HPCAL1: variants seen among roughly 807,000 people sequenced by gnomAD.
HPCAL1 encodes hippocalcin-like protein 1.
Under a neutral mutation model 17.1 loss-of-function variants are expected in HPCAL1, and 8 were observed. That is an observed-to-expected ratio of 0.47 (90% CI 0.27 to 0.84). The LOEUF is 0.84. Among genes scored for constraint, HPCAL1 ranks in the 40% least tolerant of loss-of-function variants. The pLI is 0.13. For synonymous variants in HPCAL1, 112 were observed against 111.4 expected, an observed-to-expected ratio of 1.01 and a Z score of -0.03; for missense variants, 165 against 271.1, an observed-to-expected ratio of 0.61 and a Z score of 2.75.
chr2:10,399,736 G>A (rs955959527), intron 2 of HPCAL1, among the ~76,000 whole-genome samples: 40 of 152,170 alleles, frequency 2.6e-4, no homozygotes, highest in African/African-American at 9.7e-4. Flanking sequence ...CCTTGGTCAT[G>A]TACAGCAGGC....
intron 3 of HPCAL1, among the ~76,000 whole-genome samples, chr2:10,421,122 GC>G (rs1373705363): frequency 2.6e-5 from 4 of 152,360 alleles, no homozygotes; most frequent in African/African-American, 7.2e-5. Context: ...CCTGGGGAAA[GC>G]CCTGGATTTG....
chr2:10,426,697 A>G (rs780330942), intron 4 of HPCAL1, 27 bp from the exon 5 acceptor site: 1 of 1,566,590 alleles, frequency 6.4e-7, no homozygotes, highest in South Asian at 1.1e-5. Flanking sequence ...AGCACTGGCT[A>G]ATCCCATTGT....
chr2:10,385,099 A>C lies in HPCAL1; in HGVS notation c.-110-11736A>C, dbSNP rs75037255. 3.4e-4 allele frequency among the ~76,000 whole-genome samples: 11 copies of C among 32,800 alleles called. No individual in the cohort carries two copies. The Admixed American group carries it at 3.4e-3, about 10-fold the overall frequency. The allele number at this position is 32,800 out of a possible 152,430, so 21.5% of individuals were successfully genotyped here. ...GGCGATAGAGCAAGACTCCGTCTCA[A>C]AAAAAAAAAAAAAGATAGAGGTGAC... On this transcript the variant is annotated intron_variant, in intron 1 of 4. Coordinates refer to ENST00000307845, the MANE Select transcript of HPCAL1 (RefSeq NM_002149.4).
chr2:10,409,781 T>C (rs200883460), intron 2 of HPCAL1, among the ~76,000 whole-genome samples: 2,608 of 40,530 alleles, frequency 0.064, 110 homozygotes, highest in South Asian at 0.22. Context: ...CTCAGTCTTT[T>C]TTTTTTTTTT....
At chr2:10,351,964 G>A (rs1234230693) in intron 1 of HPCAL1, among the ~76,000 whole-genome samples, 1 of 147,284 alleles carries the variant, frequency 6.8e-6, no homozygotes, top group Non-Finnish European at 1.5e-5. Flanking sequence ...GTGCAGTGGC[G>A]CGATCTCAGC....
At chr2:10,403,725 C>A (rs1189095936) in intron 2 of HPCAL1, among the ~76,000 whole-genome samples, 1 of 152,074 alleles carries the variant, frequency 6.6e-6, no homozygotes. Flanking sequence ...TCAGGTGATC[C>A]GCCCACCTCA....
chr2:10,379,787 T>C (rs528514547), intron 1 of HPCAL1, among the ~76,000 whole-genome samples: 2 of 152,276 alleles, frequency 1.3e-5, no homozygotes, highest in South Asian at 4.1e-4. Flanking sequence ...TGCACTCTGG[T>C]TTAAGTATAG....
intron 4 of HPCAL1, chr2:10,424,139 C>T (rs1409801301): frequency 2.9e-5 from 7 of 239,576 alleles, no homozygotes; most frequent in Admixed American, 2.4e-4. Flanking sequence ...GGGGATTAAA[C>T]GATAAGCTAA....
At chr2:10,399,595 C>CCACCACCACCGCCACCACCACCACCAT (rs1669459989) in intron 2 of HPCAL1, among the ~76,000 whole-genome samples, 1 of 139,394 alleles carries the variant, frequency 7.2e-6, no homozygotes, top group South Asian at 2.5e-4. Context: ...GCCACCGCCA[C>CCACCACCACCGCCACCACCACCACCAT]CACCACCACC....
At chr2:10,307,873 C>A (rs910567410) in intron 1 of HPCAL1, among the ~76,000 whole-genome samples, 1 of 152,222 alleles carries the variant, frequency 6.6e-6, no homozygotes, top group Admixed American at 6.5e-5. Flanking sequence ...CATCATCCCA[C>A]TGTCTTCTGC....
In HPCAL1 at chr2:10,372,137, G is replaced by T. The variant is rs978419433; in HGVS notation, c.-110-24698G>T. ...ATCAGTCCAGCGCTTTTCACCATCT[G>T]GTCTGGTTTTAGTGTTGCTTTATTT... On this transcript the variant is annotated intron_variant, in intron 1 of 4. Transcript: ENST00000307845. Among the ~76,000 whole-genome samples the T allele has an allele frequency of 2.0e-5, 3 of 152,342 alleles. No homozygotes were observed. In the South Asian group the frequency reaches 6.2e-4, roughly 32 times the overall value.
intron 1 of HPCAL1, among the ~76,000 whole-genome samples, chr2:10,355,563 A>T (rs1303143373): frequency 6.6e-6 from 1 of 151,132 alleles, no homozygotes; most frequent in East Asian, 1.9e-4. Flanking sequence ...AAATGTAAAA[A>T]GTTGTTCAGT....
chr2:10,385,296 C>A (rs891899421), intron 1 of HPCAL1, among the ~76,000 whole-genome samples: 2 of 152,182 alleles, frequency 1.3e-5, no homozygotes, highest in Non-Finnish European at 2.9e-5. Flanking sequence ...GCTTACGTCC[C>A]TGGGGGACTC....
intron 1 of HPCAL1, among the ~76,000 whole-genome samples, chr2:10,391,325 A>G (rs1180269110): frequency 1.3e-5 from 2 of 152,152 alleles, no homozygotes; most frequent in Non-Finnish European, 2.9e-5. Flanking sequence ...TGGAAGCTCT[A>G]CACTCTGTCC....
rs557416763 is a variant in HPCAL1, at chr2:10,314,984, T to C, written c.-111+11807T>C. Among the ~76,000 whole-genome samples, 16 of 152,298 alleles carry C rather than the reference T, an allele frequency of 1.1e-4. 2 individuals are homozygous for C. In the South Asian group the frequency reaches 1.9e-3, roughly 18 times the overall value. ...TAAACATTTTTCCCAAATGTGGGGC[T>C]AGGAAGCAAGATAAAGAATTATGCA... On this transcript the variant is annotated intron_variant, in intron 1 of 4. Coordinates refer to ENST00000307845, the MANE Select transcript of HPCAL1 (RefSeq NM_002149.4).
At chr2:10,334,716 C>T (rs1050161972) in intron 1 of HPCAL1, among the ~76,000 whole-genome samples, 7 of 100,518 alleles carry the variant, frequency 7.0e-5, no homozygotes, top group South Asian at 3.5e-4. Context: ...GGCAGGGTCT[C>T]GCTCTGTTAC....
intron 1 of HPCAL1, among the ~76,000 whole-genome samples, chr2:10,382,524 A>C (rs1374314850): frequency 6.6e-6 from 1 of 150,864 alleles, no homozygotes; most frequent in African/African-American, 2.4e-5. Flanking sequence ...GGAGGTATGT[A>C]GAGAACTCTG....
Position 10,394,865 on chromosome 2 carries a change from G to A in HPCAL1, c.-110-1970G>A, listed in dbSNP as rs746706617. 5.3e-5 allele frequency among the ~76,000 whole-genome samples: 8 copies of A among 151,198 alleles called. No individual in the cohort carries two copies. The highest frequency in any genetic ancestry group is 1.0e-4 in the Non-Finnish European group (7 of 67,802). Reference sequence around the variant, plus strand: ...GGCTGGAGTGCAGTGGTGTGATCTCGGCTCACTGCAACCTCAGCCTTCTGG... The same window carrying A: ...GGCTGGAGTGCAGTGGTGTGATCTCAGCTCACTGCAACCTCAGCCTTCTGG... On this transcript the variant is annotated intron_variant, in intron 1 of 4. Coordinates refer to ENST00000307845, the MANE Select transcript of HPCAL1 (RefSeq NM_002149.4). This position sits in a 1 kb window ranked among gnomAD's most constrained non-coding sequence, Gnocchi z 5.0.
rs552606733 is a variant in HPCAL1 at position 10,365,425 on chromosome 2, C to T, written c.-110-31410C>T. On this transcript the variant is annotated intron_variant, in intron 1 of 4. Coordinates refer to ENST00000307845, the MANE Select transcript of HPCAL1 (RefSeq NM_002149.4). This position sits in a 1 kb window ranked among gnomAD's most constrained non-coding sequence, Gnocchi z 4.8. ...GCAGACGAGGTGCCAGCTATTTGAACGGACAGCCCGGAGTCTGTGCAGGAG... is the reference window on the plus strand; with the variant it reads ...GCAGACGAGGTGCCAGCTATTTGAATGGACAGCCCGGAGTCTGTGCAGGAG... 3.3e-5 allele frequency among the ~76,000 whole-genome samples: 5 copies of T among 152,294 alleles called. No individual in the cohort carries two copies. Among genetic ancestry groups the T allele is most frequent in the East Asian group, 3.9e-4 (2 of 5,168 alleles).
Sources: allele counts gnomAD v4.1 joint callset (sites outside exome capture counted in the v4.1 genomes callset), GRCh38; gene constraint gnomAD v4.1.1; non-coding constraint Gnocchi (gnomAD v3.1); transcripts MANE v1.5; gene names NCBI Gene and HGNC (gene_info 2026-07-23, HGNC 2026-07-21).